STXBP6: variants seen among roughly 807,000 people sequenced by gnomAD.
The protein encoded by STXBP6 is syntaxin binding protein 6, also known as syntaxin-binding protein 6.
STXBP6 carries 21 observed loss-of-function variants against 26.9 expected under a neutral mutation model. The observed-to-expected ratio is 0.78, with a 90% confidence interval of 0.55 to 1.12. The LOEUF (loss-of-function observed/expected upper bound fraction) is 1.12, where lower values mean the gene tolerates loss of function less well. Among genes scored for constraint, STXBP6 ranks in the 50% most tolerant of loss-of-function variants. STXBP6 has a pLI of 0.00. For missense variants in STXBP6, 232 were observed against 257.9 expected, an observed-to-expected ratio of 0.90 and a Z score of 0.69; for synonymous variants, 97 against 92.6, an observed-to-expected ratio of 1.05 and a Z score of -0.27.
chr14:24,855,482 C>A (rs1018566637), intron 4 of STXBP6, among the ~76,000 whole-genome samples: 1 of 152,036 alleles, frequency 6.6e-6, no homozygotes, highest in African/African-American at 2.4e-5. Context: ...AAGGAATAAA[C>A]ACGAGTTGCT....
chr14:24,812,624 C>G lies in STXBP6; in HGVS notation c.*85G>C. On this transcript the variant is annotated 3_prime_UTR_variant, in exon 6 of 6. Coordinates refer to ENST00000323944, the MANE Select transcript of STXBP6 (RefSeq NM_001394410.1). ...TGTCCAAATATTGGAAAAAAAGAAG[C>G]AAGCGGAGGTCCCGAATTCTTGTAA... 7.4e-7 allele frequency: 1 copy of G among 1,342,584 alleles called. No homozygotes were observed. Among genetic ancestry groups the G allele is most frequent in the Non-Finnish European group, 1.1e-6 (1 of 942,354 alleles). 83.2% of individuals were successfully genotyped at this position (1,342,584 alleles called of 1,614,324 possible).
At chr14:24,908,779 G>A (rs1055727131) in intron 2 of STXBP6, among the ~76,000 whole-genome samples, 1 of 152,122 alleles carries the variant, frequency 6.6e-6, no homozygotes, top group Non-Finnish European at 1.5e-5. Flanking sequence ...AGCTCCAACA[G>A]CCCTCAAGCA....
At chr14:24,949,877 A>G (rs2073106143) in intron 2 of STXBP6, among the ~76,000 whole-genome samples, 3 of 152,170 alleles carry the variant, frequency 2.0e-5, no homozygotes, top group African/African-American at 7.2e-5. Flanking sequence ...GTGTTCAAAT[A>G]AGGCAAATGC....
At chr14:25,012,900 C>T (rs1025891257) in intron 1 of STXBP6, among the ~76,000 whole-genome samples, 1 of 152,024 alleles carries the variant, frequency 6.6e-6, no homozygotes, top group Non-Finnish European at 1.5e-5. Flanking sequence ...GGATTCCCAT[C>T]GGCCAAAGAT....
intron 4 of STXBP6, among the ~76,000 whole-genome samples, chr14:24,839,567 A>G (rs1476921726): frequency 6.6e-6 from 1 of 152,248 alleles, no homozygotes; most frequent in African/African-American, 2.4e-5. Context: ...CTCTGAGGTG[A>G]CTGTCCCTAA....
intron 1 of STXBP6, among the ~76,000 whole-genome samples, chr14:25,024,142 T>C (rs1447762898): frequency 6.6e-6 from 1 of 152,058 alleles, no homozygotes; most frequent in Non-Finnish European, 1.5e-5. Flanking sequence ...ACCCCGTCTC[T>C]ACTAAAAATG....
Position 24,828,594 on chromosome 14 carries a change from G to C in STXBP6, c.452-9400C>G, listed in dbSNP as rs147148774. ...TACAGAAAACTACGAGTAAGCCAAA[G>C]AATTTCAGAAAGAGCAGAAAGTTAC... On this transcript the variant is annotated intron_variant, in intron 4 of 5. Coordinates refer to ENST00000323944, the MANE Select transcript of STXBP6 (RefSeq NM_001394410.1). Among the ~76,000 whole-genome samples the C allele has an allele frequency of 1.2e-4, 19 of 152,236 alleles. No individual in the cohort carries two copies. In the East Asian group the frequency reaches 3.5e-3, roughly 28 times the overall value.
chr14:24,848,087 A>AAAGGCTTTTGAT (rs1409675946), intron 4 of STXBP6, among the ~76,000 whole-genome samples: 4 of 152,194 alleles, frequency 2.6e-5, no homozygotes, highest in African/African-American at 9.6e-5. Flanking sequence ...TTTCAGAAGA[A>AAAGGCTTTTGAT]AAGGCTTTTG....
At chr14:24,889,961 C>CT (rs1206498073) in intron 2 of STXBP6, among the ~76,000 whole-genome samples, 1 of 152,238 alleles carries the variant, frequency 6.6e-6, no homozygotes, top group Non-Finnish European at 1.5e-5. Context: ...TTCACCTCTT[C>CT]TAACATCCAG....
At chr14:24,850,002 G>C (rs998570767) in intron 4 of STXBP6, among the ~76,000 whole-genome samples, 8 of 152,082 alleles carry the variant, frequency 5.3e-5, no homozygotes, top group Admixed American at 3.9e-4. Context: ...TTCATTGACA[G>C]AGTTAAAACA....
rs1005100978 is a variant in STXBP6 at position 24,881,519 on chromosome 14, T to C, written c.155-24362A>G. On this transcript the variant is annotated intron_variant, in intron 2 of 5. Transcript: ENST00000323944. Reference sequence around the variant, plus strand: ...CTGAAGTAAAACAGCAGAGATGACATTCATAAATTTAGTGTATCTGAATAT... The same window carrying C: ...CTGAAGTAAAACAGCAGAGATGACACTCATAAATTTAGTGTATCTGAATAT... 2.6e-5 allele frequency among the ~76,000 whole-genome samples: 4 copies of C among 152,232 alleles called. No individual in the cohort carries two copies. In the South Asian group the frequency reaches 8.3e-4, roughly 32 times the overall value.
chr14:24,972,049 T>A (rs945155666), intron 2 of STXBP6, among the ~76,000 whole-genome samples: 15 of 152,228 alleles, frequency 9.9e-5, no homozygotes, highest in African/African-American at 3.6e-4. Flanking sequence ...CTTTGTCACT[T>A]ACAAGAAACA....
Position 25,049,312 on chromosome 14 carries a change from AG to A in STXBP6, c.-33+565del, listed in dbSNP as rs1173806514. The A allele has an allele frequency of 1.0e-6, 1 of 985,328 alleles. No individual in the cohort carries two copies. Among genetic ancestry groups the A allele is most frequent in the Non-Finnish European group, 1.2e-6 (1 of 829,968 alleles). 61.0% of individuals were successfully genotyped at this position (985,328 alleles called of 1,614,324 possible). A position where few individuals can be genotyped will look rare whatever the true frequency, so the allele number is the denominator to read the frequency against. On this transcript the variant is annotated intron_variant, in intron 1 of 5. Coordinates refer to ENST00000323944, the MANE Select transcript of STXBP6 (RefSeq NM_001394410.1). The surrounding 1 kb of genome is among the most constrained non-coding windows in gnomAD (Gnocchi z 5.6). ...CCCTTGACCAAGCCTGAGATCGGAA[AG>A]GGGGCATCGCCCAGGGCCAGCGCCC... is the stretch of plus-strand genomic sequence containing the variant.
intron 1 of STXBP6, among the ~76,000 whole-genome samples, chr14:24,989,295 T>C (rs891501391): frequency 2.0e-5 from 3 of 152,126 alleles, no homozygotes; most frequent in African/African-American, 7.2e-5. Context: ...CTGGTGTAGA[T>C]ACTAAATTAA....
intron 1 of STXBP6, among the ~76,000 whole-genome samples, chr14:25,035,737 TA>T (rs1164098993): frequency 6.6e-6 from 1 of 152,088 alleles, no homozygotes; most frequent in African/African-American, 2.4e-5. Context: ...ATGAACAAAA[TA>T]AAATTATAAT....
At chr14:24,828,774 G>GT (rs1284531894) in intron 4 of STXBP6, among the ~76,000 whole-genome samples, 1 of 152,138 alleles carries the variant, frequency 6.6e-6, no homozygotes, top group African/African-American at 2.4e-5. Context: ...TCTAGACAAC[G>GT]TGACAAATTA....
At chr14:24,968,149 T>G (rs1402795485) in intron 2 of STXBP6, among the ~76,000 whole-genome samples, 1 of 146,868 alleles carries the variant, frequency 6.8e-6, no homozygotes, top group Non-Finnish European at 1.5e-5. Context: ...TTCCGTAATA[T>G]TCACTATTTA....
At chr14:24,987,940 C>G (rs1487682912) in intron 1 of STXBP6, 2 of 951,822 alleles carry the variant, frequency 2.1e-6, no homozygotes, top group Non-Finnish European at 2.5e-6. Context: ...AGAAGAAGAG[C>G]AACAAAGTAC....
rs1335788059 is a variant in STXBP6, at chr14:24,819,040, G to A, written c.606C>T (p.His202=). ...GCCTGCTCCTCTCTTGGCCCACCTTGTGCGCAGTTTCTGCAAACTGCTGGG... is the reference window on the plus strand; with the variant it reads ...GCCTGCTCCTCTCTTGGCCCACCTTATGCGCAGTTTCTGCAAACTGCTGGG... ...NSAQQFAETA[H]KLAMKHKC The change falls in exon 5 of 6, where the codon CAC becomes CAT. Residue 202 remains histidine (H), a synonymous_variant. Transcript: ENST00000323944. 1.3e-6 allele frequency: 2 copies of A among 1,587,100 alleles called. No individual in the cohort carries two copies. The highest frequency in any genetic ancestry group is 1.7e-6 in the Non-Finnish European group (2 of 1,163,424).
Sources: gnomAD v4.1 joint callset for allele counts (sites outside exome capture counted in the v4.1 genomes callset) on GRCh38, gnomAD v4.1.1 for gene constraint, Gnocchi (gnomAD v3.1) non-coding constraint, MANE v1.5 for transcripts, NCBI Gene and HGNC (gene_info 2026-07-23, HGNC 2026-07-21) for gene names.